Variants in SUGCT observed in about 807,000 individuals in gnomAD.
SUGCT encodes succinyl-CoA:glutarate-CoA transferase, also known as succinyl-CoA:glutarate CoA-transferase.
A neutral mutation model predicts 55.0 loss-of-function variants in SUGCT; 41 were observed. That is an observed-to-expected ratio of 0.74 (90% CI 0.58 to 0.97). The LOEUF is 0.97. Ranked by LOEUF, SUGCT falls within the 50% of genes least tolerant of loss-of-function variation. SUGCT has a pLI of 0.00. For synonymous variants in SUGCT, 187 were observed against 200.4 expected (o/e 0.93, Z 0.56); for missense variants, 568 against 547.8 (o/e 1.04, Z -0.37).
chr7:40,885,416 C>T, the SUGCT span, among the ~76,000 whole-genome samples: 1 of 152,184 alleles, frequency 6.6e-6, no homozygotes, highest in Non-Finnish European at 1.5e-5. Context: ...ACACCTGCCT[C>T]ACCTGTGATC....
intron 9 of SUGCT, among the ~76,000 whole-genome samples, chr7:40,325,517 G>A (rs1795982473): frequency 6.6e-6 from 1 of 152,166 alleles, no homozygotes; most frequent in Admixed American, 6.6e-5. Context: ...TTAGTTTGAT[G>A]AAAGGGAAGC....
intron 9 of SUGCT, among the ~76,000 whole-genome samples, chr7:40,378,478 CTTT>C (rs1188213582): frequency 1.3e-5 from 2 of 152,024 alleles, no homozygotes; most frequent in Non-Finnish European, 2.9e-5. Context: ...TTTCTCATAC[CTTT>C]TTTTCTTTTC....
At chr7:40,843,198 CAG>C (rs1348814866) in intron 13 of SUGCT, among the ~76,000 whole-genome samples, 2 of 152,046 alleles carry the variant, frequency 1.3e-5, no homozygotes, top group Admixed American at 6.6e-5. Flanking sequence ...AAGTAGCAGT[CAG>C]GGTGGCAGGA....
chr7:40,165,383 C>T (rs932992812), intron 1 of SUGCT, among the ~76,000 whole-genome samples: 2 of 152,058 alleles, frequency 1.3e-5, no homozygotes, highest in Non-Finnish European at 1.5e-5. Context: ...GTCGTCTAAA[C>T]CCCAGGGCCA....
chr7:40,219,538 T>C (rs1787903860), intron 6 of SUGCT, among the ~76,000 whole-genome samples: 1 of 152,162 alleles, frequency 6.6e-6, no homozygotes, highest in Non-Finnish European at 1.5e-5. Context: ...TTGGATGTCA[T>C]GATCAGTCAT....
At chr7:40,561,484 C>T (rs1398667530) in intron 12 of SUGCT, among the ~76,000 whole-genome samples, 2 of 152,068 alleles carry the variant, frequency 1.3e-5, no homozygotes, top group East Asian at 3.9e-4. Context: ...AAGATTTAGT[C>T]AACAGATATA....
At chr7:40,370,991 T>C (rs895392782) in intron 9 of SUGCT, among the ~76,000 whole-genome samples, 3 of 152,096 alleles carry the variant, frequency 2.0e-5, no homozygotes, top group African/African-American at 4.8e-5. Flanking sequence ...CTCAGAGATA[T>C]TACACGACCT....
At chr7:41,031,532 A>G in the SUGCT span, among the ~76,000 whole-genome samples, 2 of 152,136 alleles carry the variant, frequency 1.3e-5, no homozygotes, top group Non-Finnish European at 2.9e-5. Flanking sequence ...GCCATCTGTG[A>G]CTTCCACTTC....
At chr7:40,542,611 A>G (rs1200963722) in intron 12 of SUGCT, among the ~76,000 whole-genome samples, 1 of 152,208 alleles carries the variant, frequency 6.6e-6, no homozygotes, top group Non-Finnish European at 1.5e-5. Flanking sequence ...CTTTTTGCTC[A>G]TGTGTGTCTC....
rs188235326 is a variant in SUGCT, at chr7:40,156,291, G to A, written c.100+21171G>A. ...ATCCTGGCTAACACAGTGAAACCCCGTCTCTACTAAAAATACAAAAAATTA... is the reference window on the plus strand; with the variant it reads ...ATCCTGGCTAACACAGTGAAACCCCATCTCTACTAAAAATACAAAAAATTA... On this transcript the variant is annotated intron_variant, in intron 1 of 13. Coordinates refer to ENST00000335693, the MANE Select transcript of SUGCT (RefSeq NM_001193313.2). Among the ~76,000 whole-genome samples, 522 of 152,114 alleles carry A rather than the reference G, an allele frequency of 3.4e-3. 6 individuals are homozygous for A. The highest frequency in any genetic ancestry group is 0.011 in the African/African-American group (472 of 41,560).
At chr7:40,200,573 G>C (rs1427910288) in intron 6 of SUGCT, among the ~76,000 whole-genome samples, 4 of 152,074 alleles carry the variant, frequency 2.6e-5, no homozygotes, top group Admixed American at 2.6e-4. Flanking sequence ...ACGCCTTTAA[G>C]GATCTAAGAG....
chr7:40,916,406 AG>A, the SUGCT span, among the ~76,000 whole-genome samples: 1 of 152,178 alleles, frequency 6.6e-6, no homozygotes, highest in African/African-American at 2.4e-5. Context: ...GGACCATGTT[AG>A]GAAAGACTCT....
intron 9 of SUGCT, among the ~76,000 whole-genome samples, chr7:40,394,583 C>T (rs544844961): frequency 6.6e-6 from 1 of 152,316 alleles, no homozygotes; most frequent in South Asian, 2.1e-4. Flanking sequence ...ACCTCACATG[C>T]AGTGTTAACT....
At chr7:40,720,117 A>T (rs1171170915) in intron 12 of SUGCT, among the ~76,000 whole-genome samples, 1 of 152,102 alleles carries the variant, frequency 6.6e-6, no homozygotes, top group East Asian at 1.9e-4. Context: ...ACAAGTCATA[A>T]ACCTAGATTC....
intron 12 of SUGCT, among the ~76,000 whole-genome samples, chr7:40,572,076 A>T (rs1459885004): frequency 6.6e-6 from 1 of 152,094 alleles, no homozygotes; most frequent in African/African-American, 2.4e-5. Flanking sequence ...CGAATGTGGC[A>T]TCTTGTTTCC....
chr7:40,833,606 AT>A (rs1181362714), intron 13 of SUGCT, among the ~76,000 whole-genome samples: 1 of 152,232 alleles, frequency 6.6e-6, no homozygotes, highest in African/African-American at 2.4e-5. Context: ...AGGTCCTGCA[AT>A]ATTTCTCTAG....
At chr7:40,806,827 T>C (rs2128753893) in intron 13 of SUGCT, among the ~76,000 whole-genome samples, 1 of 152,300 alleles carries the variant, frequency 6.6e-6, no homozygotes, top group African/African-American at 2.4e-5. Flanking sequence ...GGGTTTCAAC[T>C]AGGCTCTACC....
At chr7:40,334,374 A>T (rs1192522226) in intron 9 of SUGCT, among the ~76,000 whole-genome samples, 1 of 152,184 alleles carries the variant, frequency 6.6e-6, no homozygotes, top group Admixed American at 6.5e-5. Context: ...CCAACAGTGT[A>T]AAAGTGTTCC....
chr7:40,884,815 G>T, the SUGCT span, among the ~76,000 whole-genome samples: 1 of 152,116 alleles, frequency 6.6e-6, no homozygotes, highest in Non-Finnish European at 1.5e-5. Context: ...TGTGGAGTAG[G>T]ACTTATCGTT....
Sources: allele counts gnomAD v4.1 joint callset (sites outside exome capture counted in the v4.1 genomes callset), GRCh38; gene constraint gnomAD v4.1.1; transcripts MANE v1.5; gene names NCBI Gene and HGNC (gene_info 2026-07-23, HGNC 2026-07-21).